The following LHFPL2 variants were observed in gnomAD, a reference collection of about 807,000 sequenced individuals.
The protein encoded by LHFPL2 is LHFPL tetraspan subfamily member 2 protein.
A neutral mutation model predicts 17.5 loss-of-function variants in LHFPL2; 7 were observed. The ratio of observed to expected loss-of-function variants is 0.40; its 90% CI spans 0.23 to 0.75. The LOEUF is 0.75. Ranked by LOEUF, LHFPL2 falls within the 30% of genes least tolerant of loss-of-function variation. LHFPL2 has a pLI of 0.37. For missense variants in LHFPL2, 241 were observed against 294.8 expected, an observed-to-expected ratio of 0.82 and a Z score of 1.34; for synonymous variants, 134 against 116.2, an observed-to-expected ratio of 1.15 and a Z score of -0.99.
chr5:78,530,272 T>C (rs1453878049), intron 3 of LHFPL2, among the ~76,000 whole-genome samples: 2 of 152,254 alleles, frequency 1.3e-5, no homozygotes, highest in Non-Finnish European at 2.9e-5. Context: ...ATGTCTCTAA[T>C]AATCAAATTA....
At chr5:78,595,691 T>C (rs1400758859) in intron 2 of LHFPL2, among the ~76,000 whole-genome samples, 1 of 152,136 alleles carries the variant, frequency 6.6e-6, no homozygotes, top group Non-Finnish European at 1.5e-5. Context: ...TTTTAAAATT[T>C]TTTTTGTAAA....
intron 3 of LHFPL2, among the ~76,000 whole-genome samples, chr5:78,511,475 T>C (rs1427244003): frequency 6.6e-6 from 1 of 152,216 alleles, no homozygotes; most frequent in African/African-American, 2.4e-5. Flanking sequence ...TTCTGCCCCA[T>C]TCCAAGGCCA....
chr5:78,581,316 T>A (rs1743128227), intron 2 of LHFPL2, among the ~76,000 whole-genome samples: 1 of 152,242 alleles, frequency 6.6e-6, no homozygotes, highest in African/African-American at 2.4e-5. Flanking sequence ...TGGCCAGAAC[T>A]TCCAACACTA....
chr5:78,493,948 T>C (rs1392890286), intron 4 of LHFPL2, among the ~76,000 whole-genome samples: 10 of 152,160 alleles, frequency 6.6e-5, no homozygotes, highest in Non-Finnish European at 8.8e-5. Flanking sequence ...AGCTTGGTCA[T>C]AGGTTACGTC....
intron 3 of LHFPL2, among the ~76,000 whole-genome samples, chr5:78,546,145 T>C (rs1428014150): frequency 6.6e-6 from 1 of 152,254 alleles, no homozygotes; most frequent in East Asian, 1.9e-4. Context: ...TGTACATGTC[T>C]GCGTAGTTTT....
intron 2 of LHFPL2, among the ~76,000 whole-genome samples, chr5:78,614,432 GA>G (rs1171660113): frequency 4.7e-4 from 72 of 152,200 alleles, no homozygotes; most frequent in Non-Finnish European, 5.7e-4. Context: ...CTCATTTTAA[GA>G]AAAAATAATC....
chr5:78,533,968 C>T (rs1430503860), intron 3 of LHFPL2, among the ~76,000 whole-genome samples: 3 of 152,238 alleles, frequency 2.0e-5, no homozygotes, highest in Non-Finnish European at 4.4e-5. Flanking sequence ...ATGCCAAATG[C>T]TCCAGGGAGG....
intron 3 of LHFPL2, among the ~76,000 whole-genome samples, chr5:78,521,204 G>GA (rs1755447506): frequency 1.3e-5 from 2 of 152,134 alleles, no homozygotes; most frequent in South Asian, 4.1e-4. Flanking sequence ...TAAACTGTAT[G>GA]AAACAGTCCT....
chr5:78,577,786 T>G (rs1757169238), intron 2 of LHFPL2, among the ~76,000 whole-genome samples: 1 of 151,992 alleles, frequency 6.6e-6, no homozygotes, highest in African/African-American at 2.4e-5. Context: ...ATTTTGTTTT[T>G]CTGATGTCCT....
chr5:78,510,260 C>A lies in LHFPL2; in HGVS notation c.-47G>T, dbSNP rs749821737. ...AGAGTCAGGAGTCCACGGAGTTAAT[C>A]AAAACAAGAAAGTCGGTGGGGAAGG... On this transcript the variant is annotated 5_prime_UTR_variant, in exon 4 of 5. Coordinates refer to ENST00000380345, the MANE Select transcript of LHFPL2 (RefSeq NM_005779.3). 1 of 1,513,108 alleles carries A rather than the reference C, an allele frequency of 6.6e-7. No individual in the cohort carries two copies. The highest frequency in any genetic ancestry group is 2.2e-5 in the Admixed American group (1 of 44,622). The allele number at this position is 1,513,108 out of a possible 1,614,324, so 93.7% of individuals were successfully genotyped here. A position where few individuals can be genotyped will look rare whatever the true frequency, so the allele number is the denominator to read the frequency against.
At chr5:78,542,793 C>G (rs1038172457) in intron 3 of LHFPL2, among the ~76,000 whole-genome samples, 1 of 152,220 alleles carries the variant, frequency 6.6e-6, no homozygotes, top group African/African-American at 2.4e-5. Flanking sequence ...AGTGCACATG[C>G]ACCCTGAGGT....
chr5:78,608,028 C>G (rs1451452569), intron 2 of LHFPL2, among the ~76,000 whole-genome samples: 4 of 152,118 alleles, frequency 2.6e-5, no homozygotes, highest in Admixed American at 2.0e-4. Flanking sequence ...AGCAATTAAA[C>G]AATGAACTGG....
At chr5:78,515,267 C>T (rs1400385108) in intron 3 of LHFPL2, among the ~76,000 whole-genome samples, 1 of 152,158 alleles carries the variant, frequency 6.6e-6, no homozygotes, top group Non-Finnish European at 1.5e-5. Flanking sequence ...CAACCTATTC[C>T]ACCCCATCCC....
At chr5:78,632,457 T>A (rs912487072) in intron 1 of LHFPL2, 89 bp from the exon 2 acceptor site, 1 of 152,236 alleles carries the variant, frequency 6.6e-6, no homozygotes, top group South Asian at 2.1e-4. Context: ...AGTCTATGGC[T>A]AAGCTCTTTG....
chr5:78,618,702 C>T (rs1314694996), intron 2 of LHFPL2, among the ~76,000 whole-genome samples: 1 of 152,194 alleles, frequency 6.6e-6, no homozygotes, highest in Non-Finnish European at 1.5e-5. Context: ...TTGGTCAGGG[C>T]ATTGACAAGT....
chr5:78,580,033 C>T (rs1364282791), intron 2 of LHFPL2, among the ~76,000 whole-genome samples: 7 of 152,182 alleles, frequency 4.6e-5, no homozygotes, highest in Non-Finnish European at 7.4e-5. Context: ...TTTTTAATGA[C>T]TGCCATTCTA....
chr5:78,534,703 G>GC (rs888141229), intron 3 of LHFPL2, among the ~76,000 whole-genome samples: 25 of 152,322 alleles, frequency 1.6e-4, no homozygotes, highest in African/African-American at 5.8e-4. Flanking sequence ...GTCACCGAAG[G>GC]CCCAGGGCCT....
intron 3 of LHFPL2, among the ~76,000 whole-genome samples, chr5:78,511,581 A>AG (rs1386474301): frequency 3.9e-5 from 6 of 152,236 alleles, no homozygotes; most frequent in African/African-American, 1.4e-4. Context: ...AGAACTGCAA[A>AG]GAGCCCCCTG....
chr5:78,557,912 C>T (rs773335131), intron 3 of LHFPL2, among the ~76,000 whole-genome samples: 28 of 152,292 alleles, frequency 1.8e-4, no homozygotes, highest in African/African-American at 6.0e-4. Context: ...GTATGACTAA[C>T]GGTTCCACCC....
Sources: gnomAD v4.1 joint callset for allele counts (sites outside exome capture counted in the v4.1 genomes callset) on GRCh38, gnomAD v4.1.1 for gene constraint, MANE v1.5 for transcripts, NCBI Gene and HGNC (gene_info 2026-07-23, HGNC 2026-07-21) for gene names.